Variants in SMARCA2 observed in about 807,000 individuals in gnomAD.
SMARCA2 encodes SWI/SNF related BAF chromatin remodeling complex subunit ATPase 2.
In SMARCA2, 61 loss-of-function variants were observed where a neutral mutation model predicts 199.8. The observed-to-expected ratio is 0.31, with a 90% CI of 0.25 to 0.38. The LOEUF (loss-of-function observed/expected upper bound fraction) is 0.38, where lower values mean the gene tolerates loss of function less well. SMARCA2 is among the 10% of genes least tolerant of loss of function. The pLI is 1.00. For synonymous variants in SMARCA2, 935 were observed against 732.0 expected, an observed-to-expected ratio of 1.28 and a Z score of -4.48; for missense variants, 1,344 against 2,012.2, an observed-to-expected ratio of 0.67 and a Z score of 6.35.
chr9:2,141,113 G>A (rs913715937), intron 27 of SMARCA2, among the ~76,000 whole-genome samples: 1 of 151,898 alleles, frequency 6.6e-6, no homozygotes, highest in Non-Finnish European at 1.5e-5. Flanking sequence ...TCTCCCCAGG[G>A]GAGAGAATTC....
In SMARCA2 at chr9:2,086,885, C is replaced by A; in HGVS notation, c.2583C>A (p.Cys861Ter). The change falls in exon 18 of 34, where the codon TGC becomes TGA. Residue 861 changes from cysteine to a stop codon, truncating the protein, a stop_gained. Transcript: ENST00000349721. LOFTEE classifies it high-confidence loss of function. This position sits in a 1 kb window ranked among gnomAD's most constrained non-coding sequence, Gnocchi z 4.3. ...GCCACCGAATGAAGAATCACCACTG[C>A]AAGCTGACTCAGGTCTTGAACACTC... is the stretch of plus-strand genomic sequence containing the variant. The part of the protein sequence containing the change: ...DEGHRMKNHH[C>*]KLTQVLNTHY... The A allele has an allele frequency of 6.2e-7, 1 of 1,614,144 alleles. No homozygotes were observed. Among genetic ancestry groups the A allele is most frequent in the Non-Finnish European group, 8.5e-7 (1 of 1,179,974 alleles).
Position 2,169,883 on chromosome 9 carries a change from G to A in SMARCA2, c.4200-536G>A, listed in dbSNP as rs1826151309. Among the ~76,000 whole-genome samples, 1 of 152,216 alleles carries A rather than the reference G, an allele frequency of 6.6e-6. No homozygotes were observed. The highest frequency in any genetic ancestry group is 6.5e-5 in the Admixed American group (1 of 15,280). On this transcript the variant is annotated intron_variant, in intron 28 of 33. Coordinates refer to ENST00000349721, the MANE Select transcript of SMARCA2 (RefSeq NM_003070.5). The surrounding 1 kb of genome is among the most constrained non-coding windows in gnomAD (Gnocchi z 6.5). The stretch of plus-strand genomic sequence containing the variant: ...ATGAATTCAGTGATCTCTCGAAAAG[G>A]AATAGAGCTCTTGGAAGCAGAGCTG...
intron 4 of SMARCA2, chr9:2,043,412 A>G (rs1563727628): frequency 6.6e-6 from 1 of 152,198 alleles, no homozygotes; most frequent in East Asian, 1.9e-4. Context: ...GCACCGCTCA[A>G]ATCTAACCCA....
intron 4 of SMARCA2, 168 bp downstream of exon 4, chr9:2,040,068 C>G: frequency 7.6e-7 from 1 of 1,314,598 alleles, no homozygotes; most frequent in Non-Finnish European, 1.0e-6. Context: ...TCTTGGTCTT[C>G]CCCTGCTGTT....
At chr9:2,067,392 C>T (rs1265580855) in intron 9 of SMARCA2, among the ~76,000 whole-genome samples, 2 of 152,116 alleles carry the variant, frequency 1.3e-5, no homozygotes, top group Non-Finnish European at 2.9e-5. Context: ...GACAGAAATC[C>T]CTGACCTCAT....
intron 27 of SMARCA2, among the ~76,000 whole-genome samples, chr9:2,153,214 T>G (rs960389246): frequency 2.0e-5 from 3 of 152,198 alleles, no homozygotes; most frequent in Admixed American, 1.3e-4. Flanking sequence ...GTAAGTTATT[T>G]GACAAGGAGA....
At chr9:2,081,540 TATAATA>T (rs755775933) in intron 14 of SMARCA2, among the ~76,000 whole-genome samples, 1 of 152,240 alleles carries the variant, frequency 6.6e-6, no homozygotes, top group Non-Finnish European at 1.5e-5. Context: ...TTTTTTCATT[TATAATA>T]ATTCTAGAAT....
intron 4 of SMARCA2, chr9:2,042,134 A>G (rs1819634773): frequency 6.6e-6 from 1 of 152,178 alleles, no homozygotes; most frequent in African/African-American, 2.4e-5. Flanking sequence ...TGCACACCTT[A>G]CTTAGATCCT....
At chr9:2,178,170 C>T (rs561921144) in intron 29 of SMARCA2, among the ~76,000 whole-genome samples, 35 of 152,236 alleles carry the variant, frequency 2.3e-4, no homozygotes, top group African/African-American at 7.0e-4. Flanking sequence ...ATGGCCACGT[C>T]GCGGTGTCTG....
intron 10 of SMARCA2, chr9:2,073,011 G>C (rs980575548): frequency 3.5e-6 from 2 of 566,742 alleles, no homozygotes; most frequent in African/African-American, 1.9e-5. Context: ...CTGTATCTTA[G>C]CTACCAGGGA....
chr9:2,163,448 T>C (rs1825784081), intron 28 of SMARCA2, among the ~76,000 whole-genome samples: 1 of 152,180 alleles, frequency 6.6e-6, no homozygotes, highest in Non-Finnish European at 1.5e-5. Context: ...ACATGAAAAC[T>C]TCCTTGTAAA....
intron 1 of SMARCA2, among the ~76,000 whole-genome samples, 162 bp downstream of exon 1, chr9:2,015,566 A>G (rs1207584039): frequency 6.6e-6 from 1 of 151,900 alleles, no homozygotes; most frequent in African/African-American, 2.4e-5. Context: ...CAAAACAAAC[A>G]GGCGGGCCAA....
intron 27 of SMARCA2, chr9:2,158,981 C>G: frequency 6.2e-7 from 1 of 1,612,040 alleles, no homozygotes. Context: ...GAATAATGGT[C>G]AGTACTTTGT....
intron 27 of SMARCA2, among the ~76,000 whole-genome samples, chr9:2,157,140 T>C (rs1314765469): frequency 1.3e-5 from 2 of 152,112 alleles, no homozygotes; most frequent in Admixed American, 6.5e-5. Context: ...ATGTTCAACT[T>C]TGTTGTTGTT....
intron 25 of SMARCA2, among the ~76,000 whole-genome samples, chr9:2,117,834 GA>G (rs1196594464): frequency 6.6e-6 from 1 of 152,178 alleles, no homozygotes. Context: ...CAGTGTGTCA[GA>G]AAAATGTTGC....
At chr9:2,168,544 G>A (rs1004314027) in intron 28 of SMARCA2, among the ~76,000 whole-genome samples, 9 of 152,186 alleles carry the variant, frequency 5.9e-5, no homozygotes, top group Non-Finnish European at 1.0e-4. Flanking sequence ...CCTCTGTCTC[G>A]GAAGTTCTTT....
At chr9:2,148,832 G>A (rs2130711810) in intron 27 of SMARCA2, among the ~76,000 whole-genome samples, 1 of 151,334 alleles carries the variant, frequency 6.6e-6, no homozygotes, top group South Asian at 2.1e-4. Context: ...TCTTGCCATT[G>A]CCCATTAGAG....
At chr9:2,180,514 CCTT>C (rs1422424538) in intron 29 of SMARCA2, among the ~76,000 whole-genome samples, 7 of 152,254 alleles carry the variant, frequency 4.6e-5, no homozygotes, top group East Asian at 3.9e-4. Context: ...CCTAGAATCA[CCTT>C]CTGAAATTTT....
chr9:2,108,270 C>T (rs572148181), intron 23 of SMARCA2, among the ~76,000 whole-genome samples: 44 of 152,138 alleles, frequency 2.9e-4, no homozygotes, highest in Non-Finnish European at 4.6e-4. Context: ...ACCATGGTGA[C>T]GTATGCATGT....
Sources: allele counts gnomAD v4.1 joint callset (sites outside exome capture counted in the v4.1 genomes callset), GRCh38; gene constraint gnomAD v4.1.1; non-coding constraint Gnocchi (gnomAD v3.1); transcripts MANE v1.5; gene names NCBI Gene and HGNC (gene_info 2026-07-23, HGNC 2026-07-21).